Variants in C1orf21 observed in about 807,000 individuals in gnomAD.
C1orf21 encodes the protein uncharacterized protein C1orf21.
C1orf21 carries 3 observed loss-of-function variants against 18.7 expected under a neutral mutation model. The observed-to-expected ratio is 0.16, with a 90% CI of 0.07 to 0.42. The LOEUF is 0.42. Among genes scored for constraint, C1orf21 ranks in the 10% least tolerant of loss-of-function variants. C1orf21 has a pLI of 0.99. For synonymous variants in C1orf21, 41 were observed against 46.4 expected, an observed-to-expected ratio of 0.88 and a Z score of 0.47; for missense variants, 104 against 143.6, an observed-to-expected ratio of 0.72 and a Z score of 1.41.
intron 3 of C1orf21, among the ~76,000 whole-genome samples, chr1:184,576,256 C>G (rs145434570): frequency 1.3e-5 from 2 of 152,246 alleles, no homozygotes; most frequent in African/African-American, 4.8e-5. Flanking sequence ...TCCTGAGTAG[C>G]TGGAATTATA....
intron 1 of C1orf21, among the ~76,000 whole-genome samples, chr1:184,403,411 A>G (rs1490585791): frequency 6.6e-6 from 1 of 152,232 alleles, no homozygotes; most frequent in African/African-American, 2.4e-5. Flanking sequence ...ATAGACTCAT[A>G]AATGGGAAGA....
chr1:184,577,953 G>GTT (rs1257021237), intron 3 of C1orf21, among the ~76,000 whole-genome samples: 112 of 108,918 alleles, frequency 1.0e-3, no homozygotes, highest in Admixed American at 2.5e-3. Context: ...TTTTGTTTTT[G>GTT]TTTTTTTTTT....
intron 5 of C1orf21, among the ~76,000 whole-genome samples, chr1:184,605,005 A>G (rs1322865446): frequency 6.6e-6 from 1 of 152,198 alleles, no homozygotes; most frequent in Non-Finnish European, 1.5e-5. Context: ...TGTGGCCAAC[A>G]ACACTCTGAA....
chr1:184,549,457 T>C (rs944595831), intron 3 of C1orf21, among the ~76,000 whole-genome samples: 7 of 152,040 alleles, frequency 4.6e-5, no homozygotes, highest in African/African-American at 1.7e-4. Context: ...TATTTAAATA[T>C]ATGTATTAAA....
chr1:184,472,842 G>T (rs544003967), intron 1 of C1orf21, among the ~76,000 whole-genome samples: 1 of 152,166 alleles, frequency 6.6e-6, no homozygotes, highest in Non-Finnish European at 1.5e-5. Flanking sequence ...AAGTATTCTG[G>T]AACAGTAGTT....
chr1:184,590,898 A>T (rs2101999127), intron 4 of C1orf21, 83 bp downstream of exon 4: 1 of 1,240,290 alleles, frequency 8.1e-7, no homozygotes, highest in East Asian at 2.3e-5. Context: ...CTACCCATGG[A>T]TCAAAAATAT....
At chr1:184,428,149 G>A (rs757061116) in intron 1 of C1orf21, among the ~76,000 whole-genome samples, 4 of 152,012 alleles carry the variant, frequency 2.6e-5, no homozygotes, top group Admixed American at 6.6e-5. Context: ...ATTTAGGTAT[G>A]GTGCATAATC....
At chr1:184,532,794 T>G (rs190937870) in intron 3 of C1orf21, among the ~76,000 whole-genome samples, 14 of 152,208 alleles carry the variant, frequency 9.2e-5, no homozygotes, top group Admixed American at 9.2e-4. Flanking sequence ...ACAGTTACAG[T>G]TTTTATTGTA....
At chr1:184,594,209 A>G (rs540146866) in intron 4 of C1orf21, among the ~76,000 whole-genome samples, 75 of 152,324 alleles carry the variant, frequency 4.9e-4, no homozygotes, top group African/African-American at 1.6e-3. Flanking sequence ...GGATGAATCT[A>G]CTTCCCTGAG....
At chr1:184,394,413 G>A (rs1282779768) in intron 1 of C1orf21, among the ~76,000 whole-genome samples, 1 of 152,164 alleles carries the variant, frequency 6.6e-6, no homozygotes, top group Non-Finnish European at 1.5e-5. Context: ...GAAGTTGATT[G>A]TTTTCACTGA....
intron 5 of C1orf21, among the ~76,000 whole-genome samples, chr1:184,600,949 G>A (rs368593800): frequency 7.2e-5 from 11 of 152,174 alleles, no homozygotes; most frequent in African/African-American, 2.2e-4. Flanking sequence ...GTCTGCCATC[G>A]TTTATATAAC....
intron 5 of C1orf21, among the ~76,000 whole-genome samples, chr1:184,615,439 G>C (rs1384519766): frequency 6.6e-6 from 1 of 152,182 alleles, no homozygotes; most frequent in Non-Finnish European, 1.5e-5. Context: ...AGCTTTCAGT[G>C]TGTCCTTTGC....
intron 1 of C1orf21, among the ~76,000 whole-genome samples, chr1:184,403,682 A>T (rs1656200796): frequency 6.6e-6 from 1 of 152,282 alleles, no homozygotes; most frequent in East Asian, 1.9e-4. Flanking sequence ...CGAAACTCAG[A>T]TAATTAAATT....
chr1:184,418,648 T>C (rs1358054094), intron 1 of C1orf21, among the ~76,000 whole-genome samples: 1 of 152,250 alleles, frequency 6.6e-6, no homozygotes, highest in Non-Finnish European at 1.5e-5. Flanking sequence ...AAGAAATACT[T>C]GAATTTACAG....
intron 1 of C1orf21, among the ~76,000 whole-genome samples, chr1:184,394,048 C>T (rs1446711465): frequency 6.6e-6 from 1 of 152,118 alleles, no homozygotes; most frequent in East Asian, 1.9e-4. Flanking sequence ...TCAGTAGGGT[C>T]AGTGGGGAAA....
rs535292445 is a variant in C1orf21 at position 184,522,682 on chromosome 1, AT to A, written c.189+15004del. On this transcript the variant is annotated intron_variant, in intron 3 of 5. Coordinates refer to ENST00000235307, the MANE Select transcript of C1orf21 (RefSeq NM_030806.4). The stretch of plus-strand genomic sequence containing the variant: ...GTGGAGAATACAAACTATATACTTT[AT>A]TTTGTATTGTATTTATTTTTGAGAC... Among the ~76,000 whole-genome samples, 52 of 152,240 alleles carry A rather than the reference AT, an allele frequency of 3.4e-4. 1 individual carries two copies. In the East Asian group the frequency reaches 0.01, roughly 29 times the overall value.
chr1:184,437,114 T>C (rs1256930685), intron 1 of C1orf21, among the ~76,000 whole-genome samples: 1 of 152,094 alleles, frequency 6.6e-6, no homozygotes, highest in East Asian at 1.9e-4. Flanking sequence ...CTTGACACTT[T>C]TTGTTCAGAA....
At chr1:184,579,357 G>A (rs989236491) in intron 3 of C1orf21, among the ~76,000 whole-genome samples, 1 of 128,074 alleles carries the variant, frequency 7.8e-6, no homozygotes, top group Non-Finnish European at 1.6e-5. Context: ...TGACCTAAAG[G>A]TATTTTTTTA....
At chr1:184,588,717 T>TA (rs1219153663) in intron 3 of C1orf21, among the ~76,000 whole-genome samples, 1 of 152,240 alleles carries the variant, frequency 6.6e-6, no homozygotes, top group African/African-American at 2.4e-5. Context: ...ATGCCTGACT[T>TA]ACAGTAAGTG....
Sources: allele counts gnomAD v4.1 joint callset (sites outside exome capture counted in the v4.1 genomes callset), GRCh38; gene constraint gnomAD v4.1.1; transcripts MANE v1.5; gene names NCBI Gene and HGNC (gene_info 2026-07-23, HGNC 2026-07-21).